The following GPR89B variants were observed in gnomAD, a reference collection of about 807,000 sequenced individuals.
GPR89B encodes golgi pH regulator B.
In GPR89B, 25 loss-of-function variants were observed where a neutral mutation model predicts 52.4. The ratio of observed to expected loss-of-function variants is 0.48; its 90% confidence interval spans 0.35 to 0.67. The LOEUF (loss-of-function observed/expected upper bound fraction) is 0.67, where lower values mean the gene tolerates loss of function less well. Ranked by LOEUF, GPR89B falls within the 30% of genes least tolerant of loss-of-function variation. The probability of loss-of-function intolerance (pLI) is 0.01; values close to 1 mark genes in which losing one functional copy is unlikely to be tolerated. For synonymous variants in GPR89B, 52 were observed against 151.2 expected (o/e 0.34, Z 4.81); for missense variants, 146 against 450.2 (o/e 0.32, Z 6.11).
At chr1:147,988,275 G>A (rs1391147391) in intron 11 of GPR89B, among the ~76,000 whole-genome samples, 157 bp from the exon 12 acceptor site, 3 of 152,018 alleles carry the variant, frequency 2.0e-5, no homozygotes, top group Admixed American at 1.3e-4. Context: ...TGTTTTATTT[G>A]CCACTTACTT....
chr1:148,014,929 A>G, the GPR89B span: 1 of 151,544 alleles, frequency 6.6e-6, no homozygotes, highest in Non-Finnish European at 1.5e-5. Context: ...TTTCAACCGT[A>G]GCCGGCAAGA....
At chr1:147,984,984 G>A (rs1658559231) in intron 10 of GPR89B, among the ~76,000 whole-genome samples, 1 of 152,116 alleles carries the variant, frequency 6.6e-6, no homozygotes, top group Non-Finnish European at 1.5e-5. Flanking sequence ...TGGCAGGAGT[G>A]TTCCATAAAT....
intron 10 of GPR89B, among the ~76,000 whole-genome samples, chr1:147,978,421 G>A (rs1469877929): frequency 6.6e-6 from 1 of 151,794 alleles, no homozygotes; most frequent in African/African-American, 2.4e-5. Flanking sequence ...TGTATAAGAT[G>A]TCTGGCAACC....
the GPR89B span, among the ~76,000 whole-genome samples, chr1:148,004,346 T>G: frequency 6.6e-6 from 1 of 151,392 alleles, no homozygotes; most frequent in African/African-American, 2.4e-5. Flanking sequence ...TTTGTATTTT[T>G]AGTAGAGACG....
chr1:147,938,450 G>GCTAC (rs1654282682), intron 2 of GPR89B, among the ~76,000 whole-genome samples: 1 of 147,550 alleles, frequency 6.8e-6, no homozygotes, highest in African/African-American at 2.5e-5. Flanking sequence ...AATTCTAAGT[G>GCTAC]CTACCTATGA....
the GPR89B span, among the ~76,000 whole-genome samples, chr1:148,025,523 CA>C: frequency 0.018 from 542 of 29,650 alleles, 2 homozygotes; most frequent in African/African-American, 0.044. Flanking sequence ...AACTCTGTCT[CA>C]AAAAAAAAAA....
chr1:147,957,852 C>T (rs1421431605), intron 7 of GPR89B, among the ~76,000 whole-genome samples: 6 of 151,966 alleles, frequency 3.9e-5, no homozygotes, highest in Non-Finnish European at 8.8e-5. Context: ...ATCACAAGGT[C>T]AGGAGATCAA....
chr1:147,950,861 G>T (rs587700854), intron 5 of GPR89B, among the ~76,000 whole-genome samples: 2,363 of 152,324 alleles, frequency 0.016, 28 homozygotes, highest in Non-Finnish European at 0.025. Flanking sequence ...CAGGGAGGCT[G>T]CAGTGAGCCG....
chr1:148,015,375 C>T, the GPR89B span, among the ~76,000 whole-genome samples: 1 of 146,792 alleles, frequency 6.8e-6, no homozygotes, highest in South Asian at 2.3e-4. Flanking sequence ...AGTGCAGTGG[C>T]GCCATCTCGG....
intron 10 of GPR89B, among the ~76,000 whole-genome samples, chr1:147,970,525 C>CTA (rs1657362495): frequency 6.9e-6 from 1 of 145,016 alleles, no homozygotes; most frequent in Admixed American, 6.9e-5. Context: ...CTCTCTCTCT[C>CTA]TCTCTCTCTA....
chr1:147,969,423 T>G, intron 9 of GPR89B: 1 of 207,052 alleles, frequency 4.8e-6, no homozygotes, highest in Non-Finnish European at 9.7e-6. Context: ...AATTTAAATG[T>G]GCAAAATCTG....
At chr1:147,986,160 T>A in intron 10 of GPR89B, 39 bp from the exon 11 acceptor site, 1 of 1,609,998 alleles carries the variant, frequency 6.2e-7, no homozygotes, top group East Asian at 2.2e-5. Context: ...AGTAAGTGAT[T>A]GTTAAGATGC....
chr1:148,015,612 CCTTCTCTCTATTTT>C, the GPR89B span, among the ~76,000 whole-genome samples: 11 of 146,208 alleles, frequency 7.5e-5, no homozygotes, highest in Admixed American at 3.6e-4. Flanking sequence ...CCGCGCCCGG[CCTTCTCTCTATTTT>C]GTTTGTTTGT....
intron 7 of GPR89B, among the ~76,000 whole-genome samples, chr1:147,957,639 T>C (rs1219581100): frequency 1.3e-5 from 2 of 151,776 alleles, no homozygotes; most frequent in African/African-American, 4.9e-5. Flanking sequence ...ATTAAAGTTA[T>C]TATTACCCAT....
intron 10 of GPR89B, among the ~76,000 whole-genome samples, chr1:147,981,975 T>C (rs1658287457): frequency 2.0e-5 from 3 of 151,648 alleles, no homozygotes; most frequent in Non-Finnish European, 4.4e-5. Context: ...TTTATGTGAG[T>C]ATATGTTTTA....
At chr1:147,977,655 C>A (rs1657942601) in intron 10 of GPR89B, among the ~76,000 whole-genome samples, 1 of 150,204 alleles carries the variant, frequency 6.7e-6, no homozygotes, top group South Asian at 2.1e-4. Context: ...TTTATGTAAT[C>A]CCATAGTTCT....
intron 5 of GPR89B, among the ~76,000 whole-genome samples, chr1:147,946,188 TC>T (rs1280267657): frequency 5.3e-5 from 8 of 151,958 alleles, no homozygotes; most frequent in Admixed American, 1.3e-4. Context: ...TCTCAAGGTA[TC>T]TATATCATCT....
chr1:147,963,945 A>T (rs1165728744), intron 7 of GPR89B, among the ~76,000 whole-genome samples: 1 of 152,166 alleles, frequency 6.6e-6, no homozygotes, highest in Non-Finnish European at 1.5e-5. Flanking sequence ...TATATACCGT[A>T]TGATTCTAGT....
the GPR89B span, chr1:148,005,509 C>T: frequency 6.2e-7 from 1 of 1,606,184 alleles, no homozygotes. Flanking sequence ...CCCCTTTTTA[C>T]CTGGAAGAGA....
Sources: allele counts gnomAD v4.1 joint callset (sites outside exome capture counted in the v4.1 genomes callset), GRCh38; gene constraint gnomAD v4.1.1; transcripts MANE v1.5; gene names NCBI Gene and HGNC (gene_info 2026-07-23, HGNC 2026-07-21).